Variants in PPM1D observed in about 807,000 individuals in gnomAD.
PPM1D encodes the protein protein phosphatase, Mg2+/Mn2+ dependent 1D, also known as protein phosphatase 1D.
A neutral mutation model predicts 58.3 loss-of-function variants in PPM1D; 52 were observed. That is an observed-to-expected ratio of 0.89 (90% CI 0.71 to 1.12). PPM1D has a LOEUF of 1.12. Ranked by LOEUF, PPM1D falls within the 50% of genes most tolerant of loss-of-function variation. PPM1D has a pLI of 0.00. For missense variants in PPM1D, 564 were observed against 777.2 expected (o/e 0.73, Z 3.26); for synonymous variants, 278 against 285.1 (o/e 0.98, Z 0.25).
intron 5 of PPM1D, among the ~76,000 whole-genome samples, chr17:60,661,783 G>T (rs1255238485): frequency 6.6e-6 from 1 of 152,046 alleles, no homozygotes; most frequent in Non-Finnish European, 1.5e-5. Context: ...TGACCATTAT[G>T]ACATAGTTGC....
At chr17:60,660,201 TG>T (rs1220753354) in intron 5 of PPM1D, among the ~76,000 whole-genome samples, 2 of 151,942 alleles carry the variant, frequency 1.3e-5, no homozygotes, top group African/African-American at 4.8e-5. Flanking sequence ...CTGGGTGTGG[TG>T]GTGGGTGCCT....
intron 1 of PPM1D, among the ~76,000 whole-genome samples, chr17:60,613,353 T>C (rs2030500078): frequency 6.6e-6 from 1 of 152,270 alleles, no homozygotes; most frequent in African/African-American, 2.4e-5. Flanking sequence ...TACTTTGGAA[T>C]TGGAATTCTG....
intron 3 of PPM1D, among the ~76,000 whole-genome samples, chr17:60,635,113 T>G (rs2030998760): frequency 6.6e-6 from 1 of 152,124 alleles, no homozygotes; most frequent in Non-Finnish European, 1.5e-5. Flanking sequence ...AATGTGAAAC[T>G]AATTTTCTTC....
chr17:60,655,230 A>T (rs1319091241), intron 4 of PPM1D, among the ~76,000 whole-genome samples: 1 of 151,918 alleles, frequency 6.6e-6, no homozygotes, highest in African/African-American at 2.4e-5. Flanking sequence ...ATTTTCTTCG[A>T]TTTGCAGAAT....
At position 60,623,187 on chromosome 17, in the gene PPM1D, T is replaced by G. The variant is rs73990912; in HGVS notation, c.473-334T>G. Among the ~76,000 whole-genome samples, 809 of 152,262 alleles carry G rather than the reference T, an allele frequency of 5.3e-3. 4 individuals carry two copies. The highest frequency in any genetic ancestry group is 0.019 in the African/African-American group (781 of 41,546). On this transcript the variant is annotated intron_variant, in intron 1 of 5. Transcript: ENST00000305921. The stretch of plus-strand genomic sequence containing the variant: ...GATACCACAACTCTTGAATCAAAAC[T>G]GATTCAGATTAAAAAAACCTCTTAA...
chr17:60,641,491 C>T (rs1260136383), intron 3 of PPM1D, among the ~76,000 whole-genome samples: 1 of 152,170 alleles, frequency 6.6e-6, no homozygotes, highest in Non-Finnish European at 1.5e-5. Flanking sequence ...GATATTAGAT[C>T]TTTGTCAGAT....
At chr17:60,616,055 A>G (rs1293431399) in intron 1 of PPM1D, among the ~76,000 whole-genome samples, 6 of 151,812 alleles carry the variant, frequency 4.0e-5, no homozygotes. Flanking sequence ...ACCCAGGCTG[A>G]AGTGCAATGG....
rs2172806 is a variant in PPM1D, at chr17:60,603,359, T to C, written c.472+2473T>C. On this transcript the variant is annotated intron_variant, in intron 1 of 5. Transcript: ENST00000305921. ...AAATATTTCTTTAAAAACAAACTTATATGTTTATATATATATTTTAAAGAA... is the reference window on the plus strand; with the variant it reads ...AAATATTTCTTTAAAAACAAACTTACATGTTTATATATATATTTTAAAGAA... Among the ~76,000 whole-genome samples the C allele has an allele frequency of 2.7e-3, 408 of 152,280 alleles. 1 individual carries two copies. Among genetic ancestry groups the C allele is most frequent in the Non-Finnish European group, 4.4e-3 (297 of 68,024 alleles).
At chr17:60,632,008 G>A (rs989936938) in intron 2 of PPM1D, among the ~76,000 whole-genome samples, 2 of 151,872 alleles carry the variant, frequency 1.3e-5, no homozygotes, top group Non-Finnish European at 2.9e-5. Flanking sequence ...GAAACCCCGT[G>A]TCTACTAAAA....
rs2031568594 is a variant in PPM1D, at chr17:60,663,480, C to T, written c.1746C>T (p.Arg582=). 6.2e-7 allele frequency: 1 copy of T among 1,613,912 alleles called. No homozygotes were observed. The highest frequency in any genetic ancestry group is 1.3e-5 in the African/African-American group (1 of 75,046). ...ACTCTGTTAAACTCACCATGCGACG[C>T]AGACTTAGGGGCCAGAAGAAAATTG... ...RKNSVKLTMR[R]RLRGQKKIGN... Residue 582 remains arginine (R), a synonymous_variant, in exon 6 of 6, where the codon CGC becomes CGT. Coordinates refer to ENST00000305921, the MANE Select transcript of PPM1D (RefSeq NM_003620.4).
At chr17:60,662,279 T>C (rs2031539318) in intron 5 of PPM1D, 1 of 152,112 alleles carries the variant, frequency 6.6e-6, no homozygotes, top group African/African-American at 2.4e-5. Flanking sequence ...TTACAGGGGT[T>C]AGCCAGTGTG....
intron 3 of PPM1D, among the ~76,000 whole-genome samples, chr17:60,646,691 C>T (rs1477560946): frequency 6.6e-6 from 1 of 152,018 alleles, no homozygotes; most frequent in African/African-American, 2.4e-5. Context: ...TTTTATTGAT[C>T]TTTTTTATGG....
intron 4 of PPM1D, among the ~76,000 whole-genome samples, chr17:60,654,285 T>G (rs1207619087): frequency 2.7e-5 from 4 of 148,804 alleles, no homozygotes; most frequent in Admixed American, 6.7e-5. Flanking sequence ...CTTTTTTTTT[T>G]TGAGAGAGAG....
intron 1 of PPM1D, among the ~76,000 whole-genome samples, chr17:60,623,210 TAAC>T (rs1370719718): frequency 2.0e-5 from 3 of 152,310 alleles, no homozygotes; most frequent in Admixed American, 6.5e-5. Context: ...AAAAACCTCT[TAAC>T]ACATTCTTTC....
intron 3 of PPM1D, among the ~76,000 whole-genome samples, chr17:60,637,564 T>G (rs2031049100): frequency 6.6e-6 from 1 of 152,224 alleles, no homozygotes; most frequent in Non-Finnish European, 1.5e-5. Flanking sequence ...GATACCTATT[T>G]GGCTTCCCAT....
At position 60,644,446 on chromosome 17, in the gene PPM1D, C is replaced by G. The variant is rs576163063; in HGVS notation, c.827-3446C>G. ...CCACCTAACCTGACTGAAGAATGAT[C>G]CTTGAATGGATCCTGGATATTAAAA... On this transcript the variant is annotated intron_variant, in intron 3 of 5. Coordinates refer to ENST00000305921, the MANE Select transcript of PPM1D (RefSeq NM_003620.4). Among the ~76,000 whole-genome samples the G allele has an allele frequency of 1.2e-3, 187 of 152,242 alleles. 2 individuals carry two copies. The highest frequency in any genetic ancestry group is 4.3e-3 in the African/African-American group (177 of 41,556).
chr17:60,609,203 C>T (rs574435421), intron 1 of PPM1D, among the ~76,000 whole-genome samples: 12 of 152,180 alleles, frequency 7.9e-5, no homozygotes, highest in African/African-American at 2.2e-4. Flanking sequence ...AAGCGATTCT[C>T]CTACCTCAGC....
intron 3 of PPM1D, among the ~76,000 whole-genome samples, chr17:60,641,931 C>T (rs1468777539): frequency 6.6e-6 from 1 of 152,214 alleles, no homozygotes; most frequent in Non-Finnish European, 1.5e-5. Context: ...GGCCTCCTCT[C>T]TTCTGGTGTC....
rs765186131 is a variant in PPM1D, at chr17:60,633,815, A to G, written c.702-38A>G. ...TGAGCTATCTTAGTTGTTGTATTTT[A>G]ATCATTTAGATTATTTATGTGAACT... On this transcript the variant is annotated intron_variant, in intron 2 of 5. Coordinates refer to ENST00000305921, the MANE Select transcript of PPM1D (RefSeq NM_003620.4). 1.0e-5 allele frequency: 16 copies of G among 1,538,392 alleles called. No individual in the cohort carries two copies. The South Asian group carries it at 1.3e-4, about 12-fold the overall frequency.
Sources: allele counts gnomAD v4.1 joint callset (sites outside exome capture counted in the v4.1 genomes callset), GRCh38; gene constraint gnomAD v4.1.1; transcripts MANE v1.5; gene names NCBI Gene and HGNC (gene_info 2026-07-23, HGNC 2026-07-21).